The following DPP10 variants were observed in gnomAD, a reference collection of about 807,000 sequenced individuals.
The protein encoded by DPP10 is dipeptidyl peptidase like 10.
In DPP10, 33 loss-of-function variants were observed where a neutral mutation model predicts 120.9. The ratio of observed to expected loss-of-function variants is 0.27; its 90% CI spans 0.21 to 0.37. The LOEUF (loss-of-function observed/expected upper bound fraction) is 0.37. DPP10 is among the 10% of genes least tolerant of loss of function. The pLI is 1.00. For synonymous variants in DPP10, 337 were observed against 326.1 expected, an observed-to-expected ratio of 1.03 and a Z score of -0.36; for missense variants, 816 against 942.8, an observed-to-expected ratio of 0.87 and a Z score of 1.76.
chr2:115,443,977 C>A (rs148065759), intron 3 of DPP10, among the ~76,000 whole-genome samples: 1 of 152,244 alleles, frequency 6.6e-6, no homozygotes, highest in East Asian at 1.9e-4. Context: ...CCAGAAATTG[C>A]CAAATATCTC....
At chr2:114,930,215 G>C (rs1390384458) in intron 1 of DPP10, among the ~76,000 whole-genome samples, 1 of 152,160 alleles carries the variant, frequency 6.6e-6, no homozygotes, top group Non-Finnish European at 1.5e-5. Context: ...TTTTACTGCA[G>C]TACCCTTGGA....
intron 1 of DPP10, among the ~76,000 whole-genome samples, chr2:114,582,771 A>AT (rs1422397803): frequency 2.0e-5 from 3 of 151,930 alleles, no homozygotes; most frequent in Admixed American, 6.6e-5. Flanking sequence ...TCTCATGCCT[A>AT]TTTTTTTAAT....
intron 7 of DPP10, among the ~76,000 whole-genome samples, chr2:115,691,541 C>A (rs1192038895): frequency 6.6e-6 from 1 of 152,084 alleles, no homozygotes; most frequent in Non-Finnish European, 1.5e-5. Flanking sequence ...CTTCTTCCGG[C>A]TCTTTTTTTC....
At chr2:115,122,803 C>T (rs1478339919) in intron 1 of DPP10, among the ~76,000 whole-genome samples, 1 of 152,158 alleles carries the variant, frequency 6.6e-6, no homozygotes. Context: ...TCAGGAGCCT[C>T]CTGTCCAAGA....
chr2:115,272,411 A>T (rs1000367868), intron 1 of DPP10, among the ~76,000 whole-genome samples: 2 of 152,220 alleles, frequency 1.3e-5, no homozygotes, highest in South Asian at 4.1e-4. Flanking sequence ...GACCTAGGAT[A>T]TATGAATTCT....
rs1421815469 is a variant in DPP10, at chr2:115,746,086, G to A, written c.853G>A (p.Ala285Thr). 1.3e-6 allele frequency: 2 copies of A among 1,599,808 alleles called. No individual in the cohort carries two copies. The highest frequency in any genetic ancestry group is 1.7e-6 in the Non-Finnish European group (2 of 1,175,056). Residue 285 changes from alanine to threonine, a missense_variant and splice_region_variant, in exon 10 of 26, where the codon GCA (alanine) becomes ACA (threonine). Physicochemically the swap from Ala to Thr is moderately conservative, Grantham distance 58 (BLOSUM62 0). Transcript: ENST00000410059. ...CAATACAACTTTCATTTTCTCAAAG[G>A]CAGGTCAAGTGAACCCAACAATAAA... ...PKGKQYPYPK[A>T]GQVNPTIKLY...
intron 1 of DPP10, among the ~76,000 whole-genome samples, chr2:114,575,514 A>G (rs1319684980): frequency 6.6e-6 from 1 of 152,202 alleles, no homozygotes; most frequent in African/African-American, 2.4e-5. Flanking sequence ...CTTTTCCACT[A>G]TAGTAAAGGA....
chr2:115,339,509 G>A (rs1467617101), intron 2 of DPP10, among the ~76,000 whole-genome samples: 1 of 152,034 alleles, frequency 6.6e-6, no homozygotes, highest in African/African-American at 2.4e-5. Context: ...ATAAAAAAAT[G>A]TTTATAGTAA....
At chr2:115,394,083 A>T (rs2106555011) in intron 3 of DPP10, among the ~76,000 whole-genome samples, 1 of 152,316 alleles carries the variant, frequency 6.6e-6, no homozygotes, top group East Asian at 1.9e-4. Context: ...AGATTGAATT[A>T]TGCCGTTCAT....
chr2:115,447,838 A>G lies in DPP10; in HGVS notation c.272-51672A>G, dbSNP rs190119662. ...TATGGCAGTGTGAAAATGGGCTATT[A>G]TAGTCAGTGAGGGTCAAGCATGTTT... On this transcript the variant is annotated intron_variant, in intron 3 of 25. Transcript: ENST00000410059. Among the ~76,000 whole-genome samples the G allele has an allele frequency of 3.0e-3, 464 of 152,332 alleles. 3 individuals carry two copies. The highest frequency in any genetic ancestry group is 0.011 in the African/African-American group (441 of 41,582).
At chr2:115,628,826 A>G (rs1411337934) in intron 5 of DPP10, among the ~76,000 whole-genome samples, 1 of 150,390 alleles carries the variant, frequency 6.6e-6, no homozygotes, top group East Asian at 2.0e-4. Flanking sequence ...TTTTATTATT[A>G]TTATTATACT....
At chr2:115,227,196 CCT>C (rs1047417120) in intron 1 of DPP10, among the ~76,000 whole-genome samples, 52 of 151,984 alleles carry the variant, frequency 3.4e-4, no homozygotes, top group African/African-American at 1.2e-3. Context: ...TGTATCCTTC[CCT>C]CTCAAGGTAC....
intron 3 of DPP10, among the ~76,000 whole-genome samples, chr2:115,375,328 T>A (rs1444681135): frequency 1.3e-5 from 2 of 152,178 alleles, no homozygotes; most frequent in Non-Finnish European, 2.9e-5. Flanking sequence ...TTTGCTAAAA[T>A]ATAGCAAGAG....
intron 1 of DPP10, among the ~76,000 whole-genome samples, chr2:114,696,312 T>C (rs1362743651): frequency 6.6e-6 from 1 of 152,058 alleles, no homozygotes; most frequent in Non-Finnish European, 1.5e-5. Context: ...TCTAAAATGA[T>C]CTGAAATCCA....
intron 1 of DPP10, among the ~76,000 whole-genome samples, chr2:114,475,688 A>G (rs1158838738): frequency 6.6e-6 from 1 of 152,200 alleles, no homozygotes; most frequent in Non-Finnish European, 1.5e-5. Flanking sequence ...TAGTTAATCT[A>G]TTTAAAGAAT....
intron 2 of DPP10, among the ~76,000 whole-genome samples, chr2:115,336,599 C>A (rs201808259): frequency 0.11 from 16,113 of 145,732 alleles, 1,820 homozygotes; most frequent in African/African-American, 0.29. Context: ...CTCTCTCTCT[C>A]TATATATATA....
intron 3 of DPP10, among the ~76,000 whole-genome samples, chr2:115,496,742 C>T (rs2076414563): frequency 6.6e-6 from 1 of 152,100 alleles, no homozygotes; most frequent in African/African-American, 2.4e-5. Flanking sequence ...TTCCTATCCA[C>T]TGCAAAAACC....
At chr2:114,624,575 T>C (rs984394243) in intron 1 of DPP10, among the ~76,000 whole-genome samples, 49 of 151,924 alleles carry the variant, frequency 3.2e-4, no homozygotes, top group African/African-American at 1.2e-3. Context: ...TTTGGAGACC[T>C]TTCACTTAAA....
At chr2:114,823,562 C>T (rs180962399) in intron 1 of DPP10, among the ~76,000 whole-genome samples, 1 of 152,170 alleles carries the variant, frequency 6.6e-6, no homozygotes, top group African/African-American at 2.4e-5. Flanking sequence ...AATTCCCCAC[C>T]CCAAAGGAGA....
Sources: allele counts gnomAD v4.1 joint callset (sites outside exome capture counted in the v4.1 genomes callset), GRCh38; gene constraint gnomAD v4.1.1; transcripts MANE v1.5; gene names NCBI Gene and HGNC (gene_info 2026-07-23, HGNC 2026-07-21).